The following RAB3GAP1 variants were observed in gnomAD, a reference collection of about 807,000 sequenced individuals.
RAB3GAP1 encodes the protein RAB3 GTPase activating protein catalytic subunit 1, also known as rab3 GTPase-activating protein catalytic subunit.
A neutral mutation model predicts 130.7 loss-of-function variants in RAB3GAP1; 86 were observed. That is an observed-to-expected ratio of 0.66 (90% CI 0.55 to 0.79). The LOEUF (loss-of-function observed/expected upper bound fraction) is 0.79, where lower values mean the gene tolerates loss of function less well. RAB3GAP1 is among the 30% of genes least tolerant of loss of function. The pLI is 0.00. For missense variants in RAB3GAP1, 1,029 were observed against 1,169.4 expected (o/e 0.88, Z 1.75); for synonymous variants, 367 against 401.7 (o/e 0.91, Z 1.03).
chr2:135,168,859 C>T lies in RAB3GAP1; in HGVS notation c.*78C>T, dbSNP rs1692750367. ...AGGGAGGGAAGGTACCAGGGAGAAC[C>T]TGGGAGGTCCTGGAGAGGGCCCTGT... On this transcript the variant is annotated 3_prime_UTR_variant, in exon 24 of 24. Transcript: ENST00000264158. The T allele has an allele frequency of 1.6e-6, 2 of 1,281,952 alleles. No individual in the cohort carries two copies. The highest frequency in any genetic ancestry group is 2.9e-5 in the African/African-American group (2 of 68,404). 79.4% of individuals were successfully genotyped at this position (1,281,952 alleles called of 1,614,324 possible). A position where few individuals can be genotyped will look rare whatever the true frequency, so the allele number is the denominator to read the frequency against.
chr2:135,102,218 G>A, intron 5 of RAB3GAP1, among the ~76,000 whole-genome samples: 1 of 152,218 alleles, frequency 6.6e-6, no homozygotes, highest in East Asian at 1.9e-4. Flanking sequence ...ATAGCGGTAT[G>A]AGAAGAACTT....
chr2:135,103,726 G>GA (rs1690516233), intron 5 of RAB3GAP1, among the ~76,000 whole-genome samples: 1 of 152,060 alleles, frequency 6.6e-6, no homozygotes, highest in Non-Finnish European at 1.5e-5. Context: ...TTCTTTGTTG[G>GA]CGGGGGAGGG....
chr2:135,076,956 A>G (rs1689648370), intron 3 of RAB3GAP1, among the ~76,000 whole-genome samples: 1 of 152,194 alleles, frequency 6.6e-6, no homozygotes. Flanking sequence ...ATTCCATTAT[A>G]TGTATATACC....
At chr2:135,092,824 G>A (rs1410308637) in intron 4 of RAB3GAP1, among the ~76,000 whole-genome samples, 5 of 152,152 alleles carry the variant, frequency 3.3e-5, no homozygotes, top group Admixed American at 1.3e-4. Context: ...TTGTGATTGA[G>A]CCTGTAACTT....
At chr2:135,068,569 A>G (rs534654897) in intron 3 of RAB3GAP1, among the ~76,000 whole-genome samples, 32 of 152,254 alleles carry the variant, frequency 2.1e-4, no homozygotes, top group African/African-American at 1.9e-4. Flanking sequence ...CCTGGCCAAC[A>G]TGGTGAAACC....
chr2:135,060,732 G>C (rs963817132), intron 3 of RAB3GAP1, among the ~76,000 whole-genome samples: 3 of 151,808 alleles, frequency 2.0e-5, no homozygotes, highest in Admixed American at 1.3e-4. Context: ...TTGAGACAGA[G>C]TCTTGCTCTG....
chr2:135,091,788 A>G (rs539795337), intron 4 of RAB3GAP1, among the ~76,000 whole-genome samples: 4 of 152,292 alleles, frequency 2.6e-5, no homozygotes, highest in South Asian at 2.1e-4. Flanking sequence ...AATGGTGTCT[A>G]TAATTGTTAA....
At chr2:135,102,444 T>C (rs1690473419) in intron 5 of RAB3GAP1, among the ~76,000 whole-genome samples, 1 of 152,156 alleles carries the variant, frequency 6.6e-6, no homozygotes, top group African/African-American at 2.4e-5. Flanking sequence ...GTCACCAAAT[T>C]TGTAGTAATT....
chr2:135,052,666 T>A lies in RAB3GAP1; in HGVS notation c.74+181T>A, dbSNP rs377338143. 3.3e-5 allele frequency among the ~76,000 whole-genome samples: 5 copies of A among 152,290 alleles called. No homozygotes were observed. The South Asian group carries it at 1.0e-3, about 32-fold the overall frequency. On this transcript the variant is annotated intron_variant, in intron 2 of 23. Transcript: ENST00000264158. ...GCAAGCCTCTTCCGCGTCTCGCGTC[T>A]GGCAACACCCGGCCCGCCCCCGTCA...
chr2:135,162,144 G>A (rs941346870), intron 19 of RAB3GAP1, among the ~76,000 whole-genome samples: 5 of 152,032 alleles, frequency 3.3e-5, no homozygotes, highest in Non-Finnish European at 5.9e-5. Context: ...CACTAACAAT[G>A]TTTAGAAATA....
chr2:135,168,694 A>C lies in RAB3GAP1; in HGVS notation c.2859A>C (p.Lys953Asn), dbSNP rs1238882570. 1 of 1,614,094 alleles carries C rather than the reference A, an allele frequency of 6.2e-7. No individual in the cohort carries two copies. The highest frequency in any genetic ancestry group is 1.7e-5 in the Admixed American group (1 of 60,012). Residue 953 changes from lysine (K) to asparagine (N), a missense_variant, in exon 24 of 24, where the codon AAA (lysine) becomes AAC (asparagine). Coordinates refer to ENST00000264158, the MANE Select transcript of RAB3GAP1 (RefSeq NM_012233.3). ...TGCCGCGCCCTGCTCCCTACTCCAA[A>C]GCTCTGCCTCAGCGGATGTACAGTG... is the stretch of plus-strand genomic sequence containing the variant. ...TTVPRPAPYS[K>N]ALPQRMYSVL...
chr2:135,071,070 G>C (rs773839287), intron 3 of RAB3GAP1, among the ~76,000 whole-genome samples: 14 of 152,154 alleles, frequency 9.2e-5, no homozygotes, highest in Non-Finnish European at 2.1e-4. Context: ...TTGTATGATA[G>C]AGACTACAGG....
chr2:135,146,571 A>G (rs572677994), intron 17 of RAB3GAP1, among the ~76,000 whole-genome samples: 1 of 152,160 alleles, frequency 6.6e-6, no homozygotes, highest in Non-Finnish European at 1.5e-5. Context: ...GAGGTCTTGT[A>G]TAGACCTGGG....
chr2:135,110,832 T>C (rs1690781437), intron 5 of RAB3GAP1, among the ~76,000 whole-genome samples: 2 of 152,184 alleles, frequency 1.3e-5, no homozygotes, highest in Non-Finnish European at 2.9e-5. Context: ...AATATAATTG[T>C]ATTTGAGGGT....
intron 3 of RAB3GAP1, chr2:135,089,666 C>T (rs1383519398): frequency 3.8e-5 from 7 of 183,646 alleles, no homozygotes; most frequent in Admixed American, 1.8e-4. Context: ...TTCACAACAG[C>T]GAAGACTTGA....
At chr2:135,078,008 TG>T (rs1393171349) in intron 3 of RAB3GAP1, among the ~76,000 whole-genome samples, 2 of 152,244 alleles carry the variant, frequency 1.3e-5, no homozygotes, top group Admixed American at 6.5e-5. Flanking sequence ...CTTTTCACTC[TG>T]TTGATAGTGT....
rs1328214683 is a variant in RAB3GAP1 at position 135,135,618 on chromosome 2, A to G, written c.1609A>G (p.Ser537Gly). The change falls in exon 17 of 24, where the codon AGT becomes GGT. Residue 537 changes from serine (S) to glycine (G), a missense_variant. Physicochemically the swap from Ser to Gly is moderately conservative, Grantham distance 56. Transcript: ENST00000264158. ...GGCACGTGATGAGGGGAAAAAGACA[A>G]GTGCTTCAGATGTCACTAATATATA... ...KKARDEGKKT[S>G]ASDVTNIYPG... 6.2e-7 allele frequency: 1 copy of G among 1,610,828 alleles called. No individual in the cohort carries two copies. The highest frequency in any genetic ancestry group is 1.7e-5 in the Admixed American group (1 of 59,384).
chr2:135,158,074 A>G (rs1342135496), intron 19 of RAB3GAP1, among the ~76,000 whole-genome samples: 1 of 152,096 alleles, frequency 6.6e-6, no homozygotes, highest in African/African-American at 2.4e-5. Flanking sequence ...AATTGGAGGT[A>G]TTGGTGTGGA....
chr2:135,106,086 A>G (rs1400074688), intron 5 of RAB3GAP1, among the ~76,000 whole-genome samples: 1 of 149,022 alleles, frequency 6.7e-6, no homozygotes, highest in African/African-American at 2.5e-5. Context: ...CAGCCGCCCC[A>G]TCCGGGAGGT....
Sources: allele counts gnomAD v4.1 joint callset (sites outside exome capture counted in the v4.1 genomes callset), GRCh38; gene constraint gnomAD v4.1.1; transcripts MANE v1.5; gene names NCBI Gene and HGNC (gene_info 2026-07-23, HGNC 2026-07-21).